Variants in KCMF1 observed in about 807,000 individuals in gnomAD.
KCMF1 encodes potassium channel modulatory factor 1, also known as E3 ubiquitin-protein ligase KCMF1.
KCMF1 carries 3 observed loss-of-function variants against 41.1 expected under a neutral mutation model. That is an observed-to-expected ratio of 0.07 (90% CI 0.03 to 0.19). The LOEUF (loss-of-function observed/expected upper bound fraction) is 0.19. Ranked by LOEUF, KCMF1 falls within the 10% of genes least tolerant of loss-of-function variation. KCMF1 has a pLI of 1.00. For missense variants in KCMF1, 286 were observed against 488.9 expected (o/e 0.58, Z 3.91); for synonymous variants, 142 against 164.5 (o/e 0.86, Z 1.04).
At chr2:85,011,951 C>G (rs1335472216) in intron 1 of KCMF1, among the ~76,000 whole-genome samples, 1 of 152,148 alleles carries the variant, frequency 6.6e-6, no homozygotes, top group Non-Finnish European at 1.5e-5. Context: ...TGCTAAGTGA[C>G]CCCTAGGGGG....
At chr2:85,004,283 G>GTAATCCCAGCACTTT (rs1674409689) in intron 1 of KCMF1, among the ~76,000 whole-genome samples, 1 of 152,040 alleles carries the variant, frequency 6.6e-6, no homozygotes, top group Admixed American at 6.6e-5. Flanking sequence ...AGGCCAAGGC[G>GTAATCCCAGCACTTT]GGCAGATCAC....
intron 1 of KCMF1, among the ~76,000 whole-genome samples, chr2:84,980,823 T>A (rs774023643): frequency 2.0e-5 from 3 of 151,968 alleles, no homozygotes; most frequent in Non-Finnish European, 4.4e-5. Context: ...GAAATTTTTG[T>A]AGAGATAGGG....
chr2:84,993,021 C>G (rs977521751), intron 1 of KCMF1, among the ~76,000 whole-genome samples: 1 of 151,894 alleles, frequency 6.6e-6, no homozygotes, highest in Non-Finnish European at 1.5e-5. Context: ...GACGAAACCC[C>G]TTCTCTGCAA....
chr2:84,998,798 G>A (rs181094284), intron 1 of KCMF1, among the ~76,000 whole-genome samples: 2,310 of 148,358 alleles, frequency 0.016, 30 homozygotes, highest in South Asian at 0.065. Flanking sequence ...TTTTAGTAGA[G>A]ACAGGGTTTC....
At chr2:85,005,877 A>G (rs1221314262) in intron 1 of KCMF1, among the ~76,000 whole-genome samples, 2 of 152,194 alleles carry the variant, frequency 1.3e-5, no homozygotes, top group African/African-American at 4.8e-5. Context: ...CTTATCTATC[A>G]CCTCAAACAT....
At chr2:85,048,998 G>A (rs115335075) in intron 5 of KCMF1, among the ~76,000 whole-genome samples, 1,582 of 152,288 alleles carry the variant, frequency 0.01, 22 homozygotes, top group African/African-American at 0.036. Flanking sequence ...CCTCATCCCT[G>A]CTTCCATGGA....
At chr2:85,020,375 C>T (rs755705893) in intron 1 of KCMF1, among the ~76,000 whole-genome samples, 1 of 152,168 alleles carries the variant, frequency 6.6e-6, no homozygotes, top group Non-Finnish European at 1.5e-5. Context: ...GTATCTCCCC[C>T]CATTGATTAA....
At position 85,057,581 on chromosome 2, in the gene KCMF1, T is replaced by C. The variant is rs1186404190; in HGVS notation, c.*4172T>C. 6.6e-6 allele frequency: 1 copy of C among 152,240 alleles called. No individual in the cohort carries two copies. Among genetic ancestry groups the C allele is most frequent in the Non-Finnish European group, 1.5e-5 (1 of 68,048 alleles). 9.4% of individuals were successfully genotyped at this position (152,240 alleles called of 1,614,324 possible). A position where few individuals can be genotyped will look rare whatever the true frequency, so the allele number is the denominator to read the frequency against. Reference sequence around the variant, plus strand: ...TCCAAAGCCAAATTCAAGTGACTGTTTTTCTGAATAGTATAAAAATCTAAT... The same window carrying C: ...TCCAAAGCCAAATTCAAGTGACTGTCTTTCTGAATAGTATAAAAATCTAAT... On this transcript the variant is annotated 3_prime_UTR_variant, in exon 7 of 7. Coordinates refer to ENST00000409785, the MANE Select transcript of KCMF1 (RefSeq NM_020122.5).
intron 1 of KCMF1, among the ~76,000 whole-genome samples, chr2:85,008,282 GATATATA>G (rs1204669343): frequency 1.2e-4 from 9 of 75,822 alleles, no homozygotes; most frequent in Admixed American, 4.4e-4. Flanking sequence ...TATATAATAT[GATATATA>G]ATATATATAA....
intron 1 of KCMF1, among the ~76,000 whole-genome samples, chr2:85,019,415 C>G (rs973538255): frequency 3.3e-5 from 5 of 152,102 alleles, no homozygotes; most frequent in Non-Finnish European, 5.9e-5. Flanking sequence ...TGCTTCTGTA[C>G]TTTTATTTAG....
intron 1 of KCMF1, among the ~76,000 whole-genome samples, chr2:85,009,060 G>A (rs533987697): frequency 6.6e-6 from 1 of 152,140 alleles, no homozygotes; most frequent in Admixed American, 6.5e-5. Flanking sequence ...TATATGTTAT[G>A]GTTTGGCTCT....
At chr2:85,040,349 CTGT>C (rs1266556402) in intron 3 of KCMF1, among the ~76,000 whole-genome samples, 4 of 152,050 alleles carry the variant, frequency 2.6e-5, no homozygotes, top group Non-Finnish European at 5.9e-5. Flanking sequence ...TCGAGTTTTC[CTGT>C]CCTGTAAGAG....
chr2:84,997,764 C>CTTTTTTTT (rs112460793), intron 1 of KCMF1, among the ~76,000 whole-genome samples: 90 of 80,252 alleles, frequency 1.1e-3, no homozygotes, highest in African/African-American at 2.7e-3. Context: ...AATACATTTT[C>CTTTTTTTT]TTTTTTTTTT....
At chr2:85,026,720 T>C (rs1257589223) in intron 1 of KCMF1, among the ~76,000 whole-genome samples, 1 of 152,098 alleles carries the variant, frequency 6.6e-6, no homozygotes, top group East Asian at 1.9e-4. Flanking sequence ...ACTCCTGGCC[T>C]CAAGCCATCC....
intron 6 of KCMF1, 88 bp downstream of exon 6, chr2:85,049,736 A>G: frequency 8.1e-6 from 9 of 1,107,018 alleles, no homozygotes; most frequent in Admixed American, 2.7e-5. Context: ...TTTGTGCATT[A>G]TATTTCTTTA....
At chr2:84,994,965 G>A (rs1281698503) in intron 1 of KCMF1, among the ~76,000 whole-genome samples, 16 of 151,722 alleles carry the variant, frequency 1.1e-4, no homozygotes, top group East Asian at 1.9e-4. Context: ...TCTTTTCATC[G>A]CCTGTATTTC....
intron 1 of KCMF1, among the ~76,000 whole-genome samples, chr2:84,980,915 A>G (rs1673725683): frequency 6.6e-6 from 1 of 152,106 alleles, no homozygotes; most frequent in African/African-American, 2.4e-5. Flanking sequence ...TGCTGGGATT[A>G]TAGGTGTGAA....
At chr2:84,981,181 C>G (rs1441643217) in intron 1 of KCMF1, among the ~76,000 whole-genome samples, 1 of 151,416 alleles carries the variant, frequency 6.6e-6, no homozygotes, top group African/African-American at 2.4e-5. Flanking sequence ...TGCACATTAT[C>G]TTCTGTTGAA....
intron 3 of KCMF1, among the ~76,000 whole-genome samples, chr2:85,041,525 T>C (rs189682163): frequency 6.8e-6 from 1 of 147,784 alleles, no homozygotes; most frequent in Non-Finnish European, 1.5e-5. Flanking sequence ...ACAGCTCAAG[T>C]TGTTTATAGA....
Sources: gnomAD v4.1 joint callset for allele counts (sites outside exome capture counted in the v4.1 genomes callset) on GRCh38, gnomAD v4.1.1 for gene constraint, MANE v1.5 for transcripts, NCBI Gene and HGNC (gene_info 2026-07-23, HGNC 2026-07-21) for gene names.